The following RSRC1 variants were observed in gnomAD, a reference collection of about 807,000 sequenced individuals.
RSRC1 encodes the protein serine/Arginine-related protein 53.
RSRC1 carries 39 observed loss-of-function variants against 49.1 expected under a neutral mutation model. The observed-to-expected ratio is 0.79, with a 90% CI of 0.61 to 1.04. The LOEUF (loss-of-function observed/expected upper bound fraction) is 1.04, where lower values mean the gene tolerates loss of function less well. RSRC1 is among the 50% of genes least tolerant of loss of function. The pLI is 0.00. For synonymous variants in RSRC1, 143 were observed against 130.8 expected (o/e 1.09, Z -0.63); for missense variants, 388 against 402.4 (o/e 0.96, Z 0.31).
At chr3:158,422,155 A>G (rs1198441832) in intron 6 of RSRC1, among the ~76,000 whole-genome samples, 1 of 150,920 alleles carries the variant, frequency 6.6e-6, no homozygotes, top group Non-Finnish European at 1.5e-5. Flanking sequence ...TACATGTGCC[A>G]TGCTGGTGCG....
chr3:158,194,491 C>CTTTTTTT (rs368635096), intron 3 of RSRC1, among the ~76,000 whole-genome samples: 3 of 126,566 alleles, frequency 2.4e-5, no homozygotes, highest in African/African-American at 9.0e-5. Flanking sequence ...CTTTGAGATT[C>CTTTTTTT]TTTTTTTTTT....
rs775279825 is a variant in RSRC1, at chr3:158,203,157, A to G, written c.406A>G (p.Arg136Gly). ...HRRTRSRSRD[R>G]ERRKGRDKEK... ...AAGAACGCGTAGTCGGTCTCGGGATAGAGAACGACGTAAGGGCAGAGATAA... is the reference window on the plus strand; with the variant it reads ...AAGAACGCGTAGTCGGTCTCGGGATGGAGAACGACGTAAGGGCAGAGATAA... The change falls in exon 4 of 10, where the codon AGA becomes GGA. Residue 136 changes from arginine (R) to glycine (G), a missense_variant. Coordinates refer to ENST00000611884, the MANE Select transcript of RSRC1 (RefSeq NM_001271838.2). The G allele has an allele frequency of 6.8e-6, 11 of 1,613,674 alleles. No individual in the cohort carries two copies. Among genetic ancestry groups the G allele is most frequent in the Middle Eastern group, 1.6e-4 (1 of 6,062 alleles).
chr3:158,358,925 CAT>C (rs1395046569), intron 6 of RSRC1, among the ~76,000 whole-genome samples: 9 of 61,658 alleles, frequency 1.5e-4, no homozygotes, highest in African/African-American at 7.9e-4. Flanking sequence ...TACACACAAA[CAT>C]ACACACACAC....
chr3:158,415,379 G>A (rs1171414344), intron 6 of RSRC1, among the ~76,000 whole-genome samples: 1 of 151,940 alleles, frequency 6.6e-6, no homozygotes, highest in Admixed American at 6.6e-5. Context: ...TACTTTTCCA[G>A]TCATTTGTAC....
Position 158,545,510 on chromosome 3 carries a change from G to C in RSRC1, c.*1235G>C, listed in dbSNP as rs1348141149. On this transcript the variant is annotated 3_prime_UTR_variant, in exon 10 of 10. Transcript: ENST00000611884. The stretch of plus-strand genomic sequence containing the variant: ...TAAGCAAAAAAAGTCTTCAGGGTAG[G>C]ACTGCCAACATATAGGACATTTTAA... The C allele has an allele frequency of 6.6e-6, 1 of 152,064 alleles. No homozygotes were observed. Among genetic ancestry groups the C allele is most frequent in the Non-Finnish European group, 1.5e-5 (1 of 68,018 alleles). The allele number at this position is 152,064 out of a possible 1,614,324, so 9.4% of individuals were successfully genotyped here.
At chr3:158,213,823 G>A (rs1721815603) in intron 4 of RSRC1, among the ~76,000 whole-genome samples, 1 of 151,868 alleles carries the variant, frequency 6.6e-6, no homozygotes, top group African/African-American at 2.4e-5. Context: ...TTTGGAATAA[G>A]CCAGATGTGA....
intron 4 of RSRC1, among the ~76,000 whole-genome samples, chr3:158,284,218 G>A (rs1726365007): frequency 1.3e-5 from 2 of 151,906 alleles, no homozygotes; most frequent in South Asian, 2.1e-4. Context: ...CAAAGGACAT[G>A]AACTCATCAT....
At chr3:158,358,789 C>A (rs1261080485) in intron 6 of RSRC1, among the ~76,000 whole-genome samples, 1 of 152,058 alleles carries the variant, frequency 6.6e-6, no homozygotes, top group Admixed American at 6.6e-5. Context: ...TTGACAACCA[C>A]CATTCTCCCT....
At chr3:158,370,567 C>T (rs914577582) in intron 6 of RSRC1, among the ~76,000 whole-genome samples, 34 of 151,606 alleles carry the variant, frequency 2.2e-4, no homozygotes, top group African/African-American at 7.0e-4. Flanking sequence ...TGGATTTGTT[C>T]GTGTCGTTGT....
intron 6 of RSRC1, among the ~76,000 whole-genome samples, chr3:158,379,111 A>C (rs1732545807): frequency 6.6e-6 from 1 of 151,588 alleles, no homozygotes; most frequent in African/African-American, 2.4e-5. Context: ...TACTGGTTGC[A>C]TGATTCCCAC....
At chr3:158,141,841 T>C (rs749569330) in intron 3 of RSRC1, among the ~76,000 whole-genome samples, 3 of 152,210 alleles carry the variant, frequency 2.0e-5, no homozygotes, top group Non-Finnish European at 2.9e-5. Flanking sequence ...CTCATGCCTG[T>C]AATCCCAGCA....
intron 4 of RSRC1, among the ~76,000 whole-genome samples, chr3:158,230,393 T>G (rs1722882333): frequency 6.6e-6 from 1 of 152,160 alleles, no homozygotes; most frequent in Non-Finnish European, 1.5e-5. Context: ...AGATAATTTT[T>G]ATAGTGGTAA....
chr3:158,172,520 A>G (rs1718935068), intron 3 of RSRC1, among the ~76,000 whole-genome samples: 1 of 152,178 alleles, frequency 6.6e-6, no homozygotes, highest in Non-Finnish European at 1.5e-5. Flanking sequence ...AAAGGAAGAA[A>G]TATGTTAGTA....
chr3:158,528,328 C>G (rs1286222982), intron 7 of RSRC1, among the ~76,000 whole-genome samples: 2 of 151,878 alleles, frequency 1.3e-5, no homozygotes, highest in African/African-American at 2.4e-5. Flanking sequence ...TTCATCTTTC[C>G]TGGTTTGAAT....
intron 5 of RSRC1, among the ~76,000 whole-genome samples, chr3:158,320,895 G>C (rs146402749): frequency 6.6e-6 from 1 of 152,180 alleles, no homozygotes; most frequent in Non-Finnish European, 1.5e-5. Context: ...ACAATAATGA[G>C]GTAAGGATGC....
chr3:158,188,194 C>G (rs992286002), intron 3 of RSRC1, among the ~76,000 whole-genome samples: 2 of 151,814 alleles, frequency 1.3e-5, no homozygotes, highest in Admixed American at 1.3e-4. Flanking sequence ...CTTTCTCCCC[C>G]TGTGTGATAT....
chr3:158,530,817 C>T (rs981239980), intron 7 of RSRC1, among the ~76,000 whole-genome samples: 4 of 150,484 alleles, frequency 2.7e-5, no homozygotes, highest in South Asian at 2.1e-4. Context: ...GAGGGTGCAG[C>T]GCACCAGCAT....
intron 7 of RSRC1, among the ~76,000 whole-genome samples, chr3:158,463,286 C>T (rs960187318): frequency 2.0e-5 from 3 of 151,984 alleles, no homozygotes; most frequent in Admixed American, 6.6e-5. Flanking sequence ...TTGTTGTTTG[C>T]TTCCAAATTT....
chr3:158,250,624 A>G (rs1053216733), intron 4 of RSRC1, among the ~76,000 whole-genome samples: 1 of 152,164 alleles, frequency 6.6e-6, no homozygotes, highest in Non-Finnish European at 1.5e-5. Context: ...CCTTTGAGAA[A>G]CATCCATTCA....
Sources: allele counts gnomAD v4.1 joint callset (sites outside exome capture counted in the v4.1 genomes callset), GRCh38; gene constraint gnomAD v4.1.1; transcripts MANE v1.5; gene names NCBI Gene and HGNC (gene_info 2026-07-23, HGNC 2026-07-21).